Variants in DSC1 observed in about 807,000 individuals in gnomAD.
DSC1 encodes desmocollin 1.
Under a neutral mutation model 98.8 loss-of-function variants are expected in DSC1, and 79 were observed. The ratio of observed to expected loss-of-function variants is 0.80; its 90% CI spans 0.67 to 0.96. The LOEUF (loss-of-function observed/expected upper bound fraction) is 0.96. DSC1 is among the 50% of genes least tolerant of loss of function. DSC1 has a pLI of 0.00. For missense variants in DSC1, 1,115 were observed against 1,075.9 expected (o/e 1.04, Z -0.51); for synonymous variants, 405 against 372.1 (o/e 1.09, Z -1.02).
At chr18:31,136,295 A>G (rs61351933) in intron 11 of DSC1, among the ~76,000 whole-genome samples, 1 of 152,166 alleles carries the variant, frequency 6.6e-6, no homozygotes, top group Non-Finnish European at 1.5e-5. Flanking sequence ...TACACTACAC[A>G]TGAGTTGATA....
intron 11 of DSC1, among the ~76,000 whole-genome samples, chr18:31,139,190 C>T (rs1988676583): frequency 6.6e-6 from 1 of 152,062 alleles, no homozygotes; most frequent in Non-Finnish European, 1.5e-5. Flanking sequence ...GGAGGACATT[C>T]TTTACAGAAT....
At position 31,139,830 on chromosome 18, in the gene DSC1, C is replaced by G; in HGVS notation, c.1581G>C (p.Leu527Phe). The change falls in exon 11 of 16, where the codon TTG (leucine) becomes TTC (phenylalanine). Residue 527 changes from leucine (L) to phenylalanine (F), a missense_variant. Coordinates refer to ENST00000257198, the MANE Select transcript of DSC1 (RefSeq NM_024421.2). ...WFEINQHTGD[L>F]RTLKVLDRES... ...CTCTATCTAGTACTTTTAGAGTTCT[C>G]AAGTCGCCAGTGTGTTGATTAATTT... The G allele has an allele frequency of 1.2e-6, 2 of 1,612,302 alleles. No individual in the cohort carries two copies. Among genetic ancestry groups the G allele is most frequent in the Non-Finnish European group, 1.7e-6 (2 of 1,179,434 alleles).
At chr18:31,132,924 C>A (rs953937913) in intron 13 of DSC1, among the ~76,000 whole-genome samples, 14 of 152,206 alleles carry the variant, frequency 9.2e-5, no homozygotes, top group African/African-American at 3.4e-4. Flanking sequence ...TCTTTTATTT[C>A]TTCTACATTG....
Position 31,132,629 on chromosome 18 carries a change from TC to T in DSC1, c.2176del (p.Glu726LysfsTer3). 6.2e-7 allele frequency: 1 copy of T among 1,613,604 alleles called. No homozygotes were observed. The highest frequency in any genetic ancestry group is 8.5e-7 in the Non-Finnish European group (1 of 1,179,698). On this transcript the variant is annotated frameshift_variant, in exon 14 of 16. Transcript: ENST00000257198. LOFTEE classifies it high-confidence loss of function. The part of the protein sequence containing the change: ...AKRTVKKCFP[E>X]DIAQQNLIVS... ...AATTAAATTTTGCTGGGCTATGTCT[TC>T]TGGAAAACATTTCTTGACTGTTCTC...
At chr18:31,159,804 C>A (rs1295668529) in intron 1 of DSC1, among the ~76,000 whole-genome samples, 1 of 152,074 alleles carries the variant, frequency 6.6e-6, no homozygotes, top group Admixed American at 6.5e-5. Flanking sequence ...TTTCACAAAC[C>A]ATTGACTTTA....
intron 5 of DSC1, 86 bp from the exon 6 acceptor site, chr18:31,148,728 A>AT: frequency 7.8e-7 from 1 of 1,279,162 alleles, no homozygotes. Flanking sequence ...AAAATGTAAC[A>AT]TTAAAAAAAA....
At chr18:31,147,443 G>A (rs1360262757) in intron 6 of DSC1, among the ~76,000 whole-genome samples, 4 of 152,048 alleles carry the variant, frequency 2.6e-5, no homozygotes, top group African/African-American at 9.7e-5. Context: ...TCAATTAGCT[G>A]CCTTCTATAT....
At chr18:31,155,686 T>A (rs1989083264) in intron 4 of DSC1, among the ~76,000 whole-genome samples, 1 of 152,198 alleles carries the variant, frequency 6.6e-6, no homozygotes, top group African/African-American at 2.4e-5. Flanking sequence ...AGGTCATTTT[T>A]ATAAAAGATG....
Position 31,129,554 on chromosome 18 carries a change from C to G in DSC1, c.*960G>C, listed in dbSNP as rs1318791002. On this transcript the variant is annotated 3_prime_UTR_variant, in exon 16 of 16. Coordinates refer to ENST00000257198, the MANE Select transcript of DSC1 (RefSeq NM_024421.2). ...TTTCTGGCATATTCAAGGTGCTAGT[C>G]TCTGTATATCAGAGTTGCAGCCTAA... 6.6e-6 allele frequency: 1 copy of G among 152,098 alleles called. No homozygotes were observed. Among genetic ancestry groups the G allele is most frequent in the Non-Finnish European group, 1.5e-5 (1 of 68,028 alleles). 9.4% of individuals were successfully genotyped at this position (152,098 alleles called of 1,614,324 possible).
At chr18:31,140,984 G>A (rs1301953149) in intron 9 of DSC1, among the ~76,000 whole-genome samples, 1 of 152,032 alleles carries the variant, frequency 6.6e-6, no homozygotes, top group Non-Finnish European at 1.5e-5. Flanking sequence ...CTTTATCAGG[G>A]GTTTCTGCTT....
chr18:31,143,991 C>G (rs908760277), intron 7 of DSC1, among the ~76,000 whole-genome samples, 200 bp from the exon 8 acceptor site: 5 of 152,036 alleles, frequency 3.3e-5, no homozygotes, highest in African/African-American at 1.2e-4. Context: ...CTCACAGCAA[C>G]CTCTGCCTCC....
At chr18:31,139,699 TA>T (rs770148538) in intron 11 of DSC1, 48 bp downstream of exon 11, 2 of 1,485,612 alleles carry the variant, frequency 1.3e-6, no homozygotes, top group South Asian at 2.8e-5. Flanking sequence ...AAGGTTTCCT[TA>T]AAAACATGTC....
chr18:31,131,865 A>G, intron 14 of DSC1, 23 bp from the exon 15 acceptor site: 3 of 1,609,066 alleles, frequency 1.9e-6, no homozygotes, highest in Non-Finnish European at 2.6e-6. Flanking sequence ...TGAGAGTGAT[A>G]AAGTGAATTT....
At chr18:31,151,093 C>T (rs1988993359) in intron 5 of DSC1, among the ~76,000 whole-genome samples, 1 of 152,190 alleles carries the variant, frequency 6.6e-6, no homozygotes, top group Non-Finnish European at 1.5e-5. Flanking sequence ...ATAATTTAGA[C>T]TAATTTGTCT....
In DSC1 at chr18:31,142,166, C is replaced by A. The variant is rs1401135647; in HGVS notation, c.1093G>T (p.Glu365Ter). 6.2e-7 allele frequency: 1 copy of A among 1,611,974 alleles called. No homozygotes were observed. The highest frequency in any genetic ancestry group is 1.3e-5 in the African/African-American group (1 of 74,890). Reference protein sequence around the residue: ...TETSYVTEVEENRIDVEILRM... With the variant: ...TETSYVTEVE The stretch of plus-strand genomic sequence containing the variant: ...AAAATCTCCACGTCAATTCTGTTTT[C>A]TTCTACTTCTGTAACATACTGAAAG... The change falls in exon 9 of 16, where the codon GAA becomes TAA. Residue 365 changes from glutamate to a stop codon, truncating the protein, a stop_gained. Coordinates refer to ENST00000257198, the MANE Select transcript of DSC1 (RefSeq NM_024421.2). LOFTEE classifies it high-confidence loss of function.
intron 15 of DSC1, 188 bp downstream of exon 15, chr18:31,131,406 T>G: frequency 1.2e-6 from 1 of 818,218 alleles, no homozygotes; most frequent in Non-Finnish European, 1.9e-6. Context: ...TAAACTGTAT[T>G]TTCAAAGGTG....
intron 15 of DSC1, chr18:31,130,916 T>G: frequency 7.3e-7 from 1 of 1,369,468 alleles, no homozygotes; most frequent in Non-Finnish European, 1.0e-6. Context: ...ATGCTTCTAG[T>G]GAGCACATTT....
In DSC1 at chr18:31,132,572, A is replaced by G; in HGVS notation, c.2234T>C (p.Val745Ala). Residue 745 changes from valine (V) to alanine (A), a missense_variant, in exon 14 of 16, where the codon GTA (valine) becomes GCA (alanine). Coordinates refer to ENST00000257198, the MANE Select transcript of DSC1 (RefSeq NM_024421.2). ...VSNTEGPGEE[V>A]TEANIRLPMQ... is the part of the protein sequence containing the mutation. The stretch of plus-strand genomic sequence containing the variant: ...GGGATGTGAAATCTGATTTACCGTT[A>G]CTTCTTCTCCAGGTCCTTCAGTATT... The G allele has an allele frequency of 6.2e-7, 1 of 1,613,068 alleles. No homozygotes were observed. Among genetic ancestry groups the G allele is most frequent in the Non-Finnish European group, 8.5e-7 (1 of 1,179,430 alleles).
intron 6 of DSC1, 67 bp from the exon 7 acceptor site, chr18:31,145,844 A>G: frequency 6.6e-7 from 1 of 1,523,154 alleles, no homozygotes; most frequent in Non-Finnish European, 8.9e-7. Flanking sequence ...ACAAAATAAA[A>G]TCAAGGCATT....
Sources: gnomAD v4.1 joint callset for allele counts (sites outside exome capture counted in the v4.1 genomes callset) on GRCh38, gnomAD v4.1.1 for gene constraint, MANE v1.5 for transcripts, NCBI Gene and HGNC (gene_info 2026-07-23, HGNC 2026-07-21) for gene names.